The following TATDN3 variants were observed in gnomAD, a reference collection of about 807,000 sequenced individuals.
TATDN3 encodes TatD DNase domain containing 3.
A neutral mutation model predicts 40.1 loss-of-function variants in TATDN3; 29 were observed. The observed-to-expected ratio is 0.72, with a 90% CI of 0.54 to 0.99. TATDN3 has a LOEUF of 0.99. Ranked by LOEUF, TATDN3 falls within the 50% of genes least tolerant of loss-of-function variation. The probability of loss-of-function intolerance (pLI) is 0.00; values close to 1 mark genes in which losing one functional copy is unlikely to be tolerated. For synonymous variants in TATDN3, 105 were observed against 117.0 expected (o/e 0.90, Z 0.66); for missense variants, 309 against 321.9 (o/e 0.96, Z 0.31).
chr1:212,794,545 C>T (rs1243459024), intron 1 of TATDN3: 4 of 319,536 alleles, frequency 1.3e-5, no homozygotes, highest in Middle Eastern at 1.1e-3. Context: ...GAGCCGAGAT[C>T]GCACCATTGC....
At chr1:212,792,377 A>G (rs955267561) in intron 1 of TATDN3, among the ~76,000 whole-genome samples, 3 of 151,358 alleles carry the variant, frequency 2.0e-5, no homozygotes, top group Non-Finnish European at 2.9e-5. Context: ...CACGCCCGTA[A>G]TCCCAGCACT....
intron 8 of TATDN3, among the ~76,000 whole-genome samples, chr1:212,808,584 C>A: frequency 6.6e-6 from 1 of 151,904 alleles, no homozygotes; most frequent in African/African-American, 2.4e-5. Context: ...GTCTAGTATC[C>A]AGAATATATA....
chr1:212,812,618 C>A (rs1478288205), intron 9 of TATDN3, among the ~76,000 whole-genome samples: 1 of 152,204 alleles, frequency 6.6e-6, no homozygotes, highest in Non-Finnish European at 1.5e-5. Flanking sequence ...ATCCTGTTAT[C>A]TACCTAGTAG....
chr1:212,812,309 C>T lies in TATDN3; in HGVS notation c.662C>T (p.Ala221Val), dbSNP rs1662935641. 6.5e-7 allele frequency: 1 copy of T among 1,550,354 alleles called. No individual in the cohort carries two copies. The highest frequency in any genetic ancestry group is 1.2e-5 in the South Asian group (1 of 83,060). ...ATATGCTTAGAAACAGATTCACCTG[C>T]ACTAGGACCAGAAAAACAGGTAAAT... ...TSICLETDSPALGPEKQVRNE... is the reference protein window; with the variant it reads ...TSICLETDSPVLGPEKQVRNE... Residue 221 changes from alanine to valine, a missense_variant, in exon 9 of 10, where the codon GCA (alanine) becomes GTA (valine). Transcript: ENST00000366974.
rs1023980771 is a variant in TATDN3 at position 212,810,041 on chromosome 1, TA to T, written c.600+2200del. 6.6e-5 allele frequency among the ~76,000 whole-genome samples: 10 copies of T among 151,146 alleles called. No individual in the cohort carries two copies. In the South Asian group the frequency reaches 2.1e-3, roughly 32 times the overall value. ...TCTCAAAAATAAATACATTAATTAA[TA>T]AAAAAATAAAATTTAAATTGCATAA... On this transcript the variant is annotated intron_variant, in intron 8 of 9. Coordinates refer to ENST00000366974, the MANE Select transcript of TATDN3 (RefSeq NM_001042552.3).
intron 2 of TATDN3, among the ~76,000 whole-genome samples, chr1:212,796,037 T>C (rs954154319): frequency 3.9e-5 from 6 of 152,218 alleles, no homozygotes; most frequent in Admixed American, 3.9e-4. Flanking sequence ...GATATATTAT[T>C]AAAGTTTTCT....
intron 4 of TATDN3, among the ~76,000 whole-genome samples, chr1:212,799,108 A>C (rs1291593470): frequency 2.0e-5 from 3 of 152,200 alleles, no homozygotes; most frequent in African/African-American, 7.2e-5. Flanking sequence ...AGCTCAGTGT[A>C]GTCAAGAAAC....
At position 212,796,529 on chromosome 1, in the gene TATDN3, GC is replaced by G. The variant is rs763589291; in HGVS notation, c.115del (p.Val40TrpfsTer46). On this transcript the variant is annotated frameshift_variant, in exon 3 of 10. Coordinates refer to ENST00000366974, the MANE Select transcript of TATDN3 (RefSeq NM_001042552.3). LOFTEE classifies it high-confidence loss of function. ...LEKAKKANVV[A>X]LVAVAEHSGE... ...TTTTTTTTTTCAGGCCAATGTTGTG[GC>G]CCTTGTGGCAGTTGCCGAACATTCA... The G allele has an allele frequency of 1.4e-5, 21 of 1,548,132 alleles. No individual in the cohort carries two copies. Among genetic ancestry groups the G allele is most frequent in the Non-Finnish European group, 1.7e-5 (20 of 1,151,968 alleles).
At chr1:212,806,837 C>CATATATACAT (rs1553257568) in intron 7 of TATDN3, among the ~76,000 whole-genome samples, 2 of 51,378 alleles carry the variant, frequency 3.9e-5, no homozygotes, top group African/African-American at 1.4e-4. Flanking sequence ...CATATATATA[C>CATATATACAT]ATATATACAC....
At chr1:212,804,294 T>C in intron 5 of TATDN3, 26 bp from the exon 6 acceptor site, 2 of 1,554,134 alleles carry the variant, frequency 1.3e-6, no homozygotes, top group Non-Finnish European at 1.8e-6. Context: ...CCTAAATATG[T>C]AATATCTTTT....
At chr1:212,809,609 G>A (rs777995645) in intron 8 of TATDN3, among the ~76,000 whole-genome samples, 5 of 151,280 alleles carry the variant, frequency 3.3e-5, no homozygotes, top group African/African-American at 4.8e-5. Flanking sequence ...GCGTGAACCC[G>A]GGGGGGCAGA....
At chr1:212,809,584 T>G (rs1309237560) in intron 8 of TATDN3, among the ~76,000 whole-genome samples, 2 of 151,116 alleles carry the variant, frequency 1.3e-5, no homozygotes, top group Non-Finnish European at 2.9e-5. Flanking sequence ...CTCGGGAGAC[T>G]GAGGCAGGAG....
Position 212,796,487 on chromosome 1 carries a change from T to G in TATDN3, c.100-30T>G, listed in dbSNP as rs776778828. The G allele has an allele frequency of 9.5e-6, 14 of 1,477,278 alleles. No individual in the cohort carries two copies. In the African/African-American group the frequency reaches 2.1e-4, roughly 22 times the overall value. 91.5% of individuals were successfully genotyped at this position (1,477,278 alleles called of 1,614,324 possible). A position where few individuals can be genotyped will look rare whatever the true frequency, so the allele number is the denominator to read the frequency against. ...ATAATTTATATTAAATGTATATTGTTTGTAACTTTATTCTTTTTTTTTTTT... is the reference window on the plus strand; with the variant it reads ...ATAATTTATATTAAATGTATATTGTGTGTAACTTTATTCTTTTTTTTTTTT... On this transcript the variant is annotated intron_variant, in intron 2 of 9. Transcript: ENST00000366974.
In TATDN3 at chr1:212,806,817, C is replaced by CATATATAT. The variant is rs1338421397; in HGVS notation, c.488-918_488-917insTATATATA. ...ACACACACATATATACACATATATA[C>CATATATAT]ACATATATACATATATATACATATA... On this transcript the variant is annotated intron_variant, in intron 7 of 9. Coordinates refer to ENST00000366974, the MANE Select transcript of TATDN3 (RefSeq NM_001042552.3). Among the ~76,000 whole-genome samples, 66 of 106,996 alleles carry CATATATAT rather than the reference C, an allele frequency of 6.2e-4. 6 individuals are homozygous for CATATATAT. Among genetic ancestry groups the CATATATAT allele is most frequent in the South Asian group, 1.8e-3 (6 of 3,254 alleles). The allele number at this position is 106,996 out of a possible 152,430, so 70.2% of individuals were successfully genotyped here. A position where few individuals can be genotyped will look rare whatever the true frequency, so the allele number is the denominator to read the frequency against.
intron 7 of TATDN3, among the ~76,000 whole-genome samples, chr1:212,807,286 T>C (rs1476134498): frequency 6.6e-6 from 1 of 152,004 alleles, no homozygotes; most frequent in East Asian, 1.9e-4. Context: ...AGAGTCTCAC[T>C]CCGATGCCCA....
chr1:212,815,297 T>A lies in TATDN3; in HGVS notation c.*141T>A, dbSNP rs1453987516. ...TTGTAATTGTAGAGAAATATTTCTC[T>A]TAGAAATAAAACTGGGCTTGGATCC... On this transcript the variant is annotated 3_prime_UTR_variant, in exon 10 of 10. Coordinates refer to ENST00000366974, the MANE Select transcript of TATDN3 (RefSeq NM_001042552.3). 3.9e-6 allele frequency: 4 copies of A among 1,034,588 alleles called. No homozygotes were observed. Among genetic ancestry groups the A allele is most frequent in the Non-Finnish European group, 1.3e-6 (1 of 767,616 alleles). 64.1% of individuals were successfully genotyped at this position (1,034,588 alleles called of 1,614,324 possible).
intron 1 of TATDN3, among the ~76,000 whole-genome samples, chr1:212,793,690 A>C (rs557251840): frequency 1.3e-4 from 20 of 152,302 alleles, no homozygotes; most frequent in African/African-American, 4.8e-4. Flanking sequence ...CATTTTAGAG[A>C]GAGAATCCAC....
At chr1:212,807,089 G>A (rs1005624464) in intron 7 of TATDN3, among the ~76,000 whole-genome samples, 2 of 151,248 alleles carry the variant, frequency 1.3e-5, no homozygotes, top group African/African-American at 2.4e-5. Flanking sequence ...GATTACAGGT[G>A]CCTGCCACTA....
At chr1:212,814,259 C>A (rs1663069343) in intron 9 of TATDN3, among the ~76,000 whole-genome samples, 1 of 152,148 alleles carries the variant, frequency 6.6e-6, no homozygotes, top group Admixed American at 6.5e-5. Context: ...TAACATAAAT[C>A]TCTATGCCCA....
Sources: allele counts gnomAD v4.1 joint callset (sites outside exome capture counted in the v4.1 genomes callset), GRCh38; gene constraint gnomAD v4.1.1; transcripts MANE v1.5; gene names NCBI Gene and HGNC (gene_info 2026-07-23, HGNC 2026-07-21).